MYT1L: variants seen among roughly 807,000 people sequenced by gnomAD.
MYT1L encodes myelin transcription factor 1 like, also known as myelin transcription factor 1-like protein.
In MYT1L, 12 loss-of-function variants were observed where a neutral mutation model predicts 126.7. The ratio of observed to expected loss-of-function variants is 0.09; its 90% CI spans 0.06 to 0.15. The LOEUF (loss-of-function observed/expected upper bound fraction) is 0.15. MYT1L is among the 10% of genes least tolerant of loss of function. The pLI is 1.00. For missense variants in MYT1L, 979 were observed against 1,585.2 expected, an observed-to-expected ratio of 0.62 and a Z score of 6.49; for synonymous variants, 541 against 604.2, an observed-to-expected ratio of 0.90 and a Z score of 1.53.
At chr2:1,870,895 C>G (rs1267819420) in intron 18 of MYT1L, among the ~76,000 whole-genome samples, 3 of 152,180 alleles carry the variant, frequency 2.0e-5, no homozygotes, top group Admixed American at 2.0e-4. Context: ...GTGTGGAGAC[C>G]CAGCTCTGCG....
intron 11 of MYT1L, among the ~76,000 whole-genome samples, chr2:1,916,078 C>T (rs371527432): frequency 4.6e-5 from 7 of 152,264 alleles, no homozygotes; most frequent in African/African-American, 1.7e-4. Context: ...ATTTTTATGG[C>T]TCTTCAGGCT....
chr2:1,996,993 T>TTAC (rs2061931087), intron 5 of MYT1L, among the ~76,000 whole-genome samples, 198 bp downstream of exon 5: 1 of 117,126 alleles, frequency 8.5e-6, no homozygotes. Flanking sequence ...CGCCTTTACC[T>TTAC]AGTGAGGGCC....
In MYT1L at chr2:2,296,060, C is replaced by T. The variant is rs567558499; in HGVS notation, c.-520-11557G>A. 8.5e-5 allele frequency among the ~76,000 whole-genome samples: 13 copies of T among 152,178 alleles called. No individual in the cohort carries two copies. In the South Asian group the frequency reaches 2.3e-3, roughly 27 times the overall value. On this transcript the variant is annotated intron_variant, in intron 1 of 24. Transcript: ENST00000647738. ...AGAGCGGAGTTACATTTTAAAAACT[C>T]AGTAGGATAAATATAGAAAATATAG...
At chr2:2,007,303 T>C (rs539600025) in intron 4 of MYT1L, among the ~76,000 whole-genome samples, 1 of 152,054 alleles carries the variant, frequency 6.6e-6, no homozygotes, top group East Asian at 1.9e-4. Context: ...GCTTCCCTTT[T>C]GTCCACAACC....
At chr2:2,329,531 T>C (rs2096272364) in intron 1 of MYT1L, among the ~76,000 whole-genome samples, 1 of 152,242 alleles carries the variant, frequency 6.6e-6, no homozygotes, top group Non-Finnish European at 1.5e-5. Context: ...AGAATTTTAT[T>C]GTTTTAAATT....
chr2:2,234,145 C>T (rs570524585), intron 2 of MYT1L, among the ~76,000 whole-genome samples: 3 of 152,156 alleles, frequency 2.0e-5, no homozygotes, highest in South Asian at 2.1e-4. Context: ...CTTTAATGTA[C>T]ACTCATTATT....
chr2:2,237,105 C>T (rs11127368), intron 2 of MYT1L, among the ~76,000 whole-genome samples: 5,291 of 152,168 alleles, frequency 0.035, 232 homozygotes, highest in East Asian at 0.15. Context: ...TGAGCCACCA[C>T]GCCCAACCTG....
At chr2:1,797,542 G>C (rs114822516) in intron 23 of MYT1L, among the ~76,000 whole-genome samples, 4,067 of 152,274 alleles carry the variant, frequency 0.027, 98 homozygotes, top group Middle Eastern at 0.082. Flanking sequence ...TTCTGATTGC[G>C]TTTGTGTGAG....
intron 18 of MYT1L, among the ~76,000 whole-genome samples, chr2:1,877,407 C>T (rs533898609): frequency 6.6e-6 from 1 of 151,990 alleles, no homozygotes; most frequent in East Asian, 1.9e-4. Context: ...TTCTTTTTTC[C>T]AAGTCTTTTC....
At chr2:1,850,371 C>T (rs2043113020) in intron 19 of MYT1L, among the ~76,000 whole-genome samples, 1 of 152,100 alleles carries the variant, frequency 6.6e-6, no homozygotes, top group Non-Finnish European at 1.5e-5. Context: ...GGAGCAGCTA[C>T]CTTACAACTT....
At chr2:1,967,992 G>A (rs1180799826) in intron 8 of MYT1L, among the ~76,000 whole-genome samples, 1 of 152,188 alleles carries the variant, frequency 6.6e-6, no homozygotes, top group Non-Finnish European at 1.5e-5. Context: ...CCCAGGAGGG[G>A]AGGAGGGGGC....
chr2:1,847,022 G>C (rs112889783), intron 19 of MYT1L, among the ~76,000 whole-genome samples: 2,880 of 152,282 alleles, frequency 0.019, 35 homozygotes, highest in Middle Eastern at 0.027. Context: ...TGGGATCCCT[G>C]TTGAAAGTCC....
At chr2:1,923,992 G>A (rs2053903434) in intron 9 of MYT1L, among the ~76,000 whole-genome samples, 1 of 152,152 alleles carries the variant, frequency 6.6e-6, no homozygotes, top group South Asian at 2.1e-4. Context: ...GAGAGAAAGC[G>A]TGCAGCAGCC....
chr2:2,056,475 A>G (rs766512433), intron 3 of MYT1L, among the ~76,000 whole-genome samples: 7 of 152,250 alleles, frequency 4.6e-5, no homozygotes, highest in Non-Finnish European at 1.0e-4. Flanking sequence ...GCTGCTGCTT[A>G]CTAAATGTGT....
chr2:2,068,769 GTTTTTTTTTT>G (rs55838351), intron 3 of MYT1L, among the ~76,000 whole-genome samples: 1 of 26,182 alleles, frequency 3.8e-5, no homozygotes, highest in Admixed American at 9.0e-4. Context: ...TGTTCTTCTT[GTTTTTTTTTT>G]TTTTTTTTTT....
At chr2:1,838,565 G>T (rs2041213129) in intron 21 of MYT1L, among the ~76,000 whole-genome samples, 1 of 152,158 alleles carries the variant, frequency 6.6e-6, no homozygotes, top group Admixed American at 6.5e-5. Context: ...GTCAGCCTTG[G>T]AGACGGGTCC....
intron 2 of MYT1L, among the ~76,000 whole-genome samples, chr2:2,242,582 T>C (rs1382491109): frequency 3.0e-4 from 46 of 152,190 alleles, no homozygotes; most frequent in Admixed American, 3.0e-3. Flanking sequence ...TAAGCTTCCA[T>C]TTATCAAGCA....
At chr2:1,937,874 C>T (rs1226957533) in intron 9 of MYT1L, among the ~76,000 whole-genome samples, 1 of 152,224 alleles carries the variant, frequency 6.6e-6, no homozygotes, top group Non-Finnish European at 1.5e-5. Flanking sequence ...CACCACCGCA[C>T]ACCTTTGGGT....
intron 23 of MYT1L, among the ~76,000 whole-genome samples, chr2:1,799,362 C>T (rs1426866532): frequency 1.3e-5 from 2 of 152,204 alleles, no homozygotes; most frequent in Non-Finnish European, 2.9e-5. Flanking sequence ...TGCGTAGGCA[C>T]ATGCGTTGTT....
Sources: allele counts gnomAD v4.1 joint callset (sites outside exome capture counted in the v4.1 genomes callset), GRCh38; gene constraint gnomAD v4.1.1; transcripts MANE v1.5; gene names NCBI Gene and HGNC (gene_info 2026-07-23, HGNC 2026-07-21).